FMN2: variants seen among roughly 807,000 people sequenced by gnomAD.
FMN2 encodes the protein formin 2.
In FMN2, 51 loss-of-function variants were observed where a neutral mutation model predicts 142.3. That is an observed-to-expected ratio of 0.36 (90% confidence interval 0.29 to 0.45). The LOEUF (loss-of-function observed/expected upper bound fraction) is 0.45, where lower values mean the gene tolerates loss of function less well. Ranked by LOEUF, FMN2 falls within the 20% of genes least tolerant of loss-of-function variation. The pLI is 1.00. For synonymous variants in FMN2, 882 were observed against 869.8 expected, an observed-to-expected ratio of 1.01 and a Z score of -0.25; for missense variants, 1,936 against 2,122.8, an observed-to-expected ratio of 0.91 and a Z score of 1.73.
chr1:240,125,345 T>A (rs1011829491), intron 2 of FMN2, among the ~76,000 whole-genome samples: 6 of 152,250 alleles, frequency 3.9e-5, no homozygotes, highest in Non-Finnish European at 2.9e-5. Flanking sequence ...TGCAATTTTT[T>A]AAAATGACAT....
At chr1:240,142,920 A>C in intron 2 of FMN2, 1 of 1,606,206 alleles carries the variant, frequency 6.2e-7, no homozygotes, top group Non-Finnish European at 8.5e-7. Context: ...TCGGGGCCGC[A>C]TGGCAGCCAC....
intron 8 of FMN2, among the ~76,000 whole-genome samples, chr1:240,299,160 C>T (rs1392218195): frequency 6.6e-6 from 1 of 152,082 alleles, no homozygotes; most frequent in Non-Finnish European, 1.5e-5. Context: ...GTTGGCTAGG[C>T]TGGTCTCGAA....
In FMN2 at chr1:240,092,719, C is replaced by T; in HGVS notation, c.610C>T (p.Arg204Cys). The T allele has an allele frequency of 6.2e-7, 1 of 1,613,496 alleles. No individual in the cohort carries two copies. Reference protein sequence around the residue: ...DLLSDIQQAIRLQQQQQQQLQ... With the variant: ...DLLSDIQQAICLQQQQQQQLQ... Reference sequence around the variant, plus strand: ...GCTTTCAGACATCCAGCAGGCGATCCGCCTGCAGCAGCAGCAGCAGCAGCA... The same window carrying T: ...GCTTTCAGACATCCAGCAGGCGATCTGCCTGCAGCAGCAGCAGCAGCAGCA... Residue 204 changes from arginine (R) to cysteine (C), a missense_variant, in exon 1 of 18, where the codon CGC becomes TGC. Arg to Cys is a radical substitution (Grantham distance 180). Around this residue, in one of 8 missense-constraint regions of FMN2, gnomAD observed 751 missense variants for 791.8 expected, o/e 0.95. Transcript: ENST00000319653.
chr1:240,100,374 T>A (rs1661372082), intron 1 of FMN2, among the ~76,000 whole-genome samples: 1 of 152,190 alleles, frequency 6.6e-6, no homozygotes, highest in African/African-American at 2.4e-5. Flanking sequence ...AAAGTTAGCA[T>A]TAAGGAACCA....
At chr1:240,283,847 T>C (rs1381186323) in intron 7 of FMN2, among the ~76,000 whole-genome samples, 1 of 152,218 alleles carries the variant, frequency 6.6e-6, no homozygotes, top group African/African-American at 2.4e-5. Context: ...CGTCCACATT[T>C]AGAGCCATAC....
At chr1:240,378,536 A>T (rs1000291389) in intron 14 of FMN2, among the ~76,000 whole-genome samples, 3 of 152,178 alleles carry the variant, frequency 2.0e-5, no homozygotes, top group African/African-American at 7.2e-5. Context: ...TTTGAACCTT[A>T]TCCCCTCAGT....
intron 2 of FMN2, among the ~76,000 whole-genome samples, chr1:240,160,514 A>G (rs146503053): frequency 1.1e-3 from 159 of 150,054 alleles, no homozygotes; most frequent in African/African-American, 3.7e-3. Flanking sequence ...GTGTATATAT[A>G]TAATGATTCT....
intron 2 of FMN2, among the ~76,000 whole-genome samples, chr1:240,124,899 C>G (rs575321646): frequency 1.2e-4 from 18 of 152,206 alleles, no homozygotes; most frequent in Admixed American, 6.5e-4. Flanking sequence ...AACTCCTGAC[C>G]TCGTGATCCA....
At chr1:240,178,777 G>A (rs1665032712) in intron 3 of FMN2, among the ~76,000 whole-genome samples, 1 of 152,238 alleles carries the variant, frequency 6.6e-6, no homozygotes, top group East Asian at 1.9e-4. Context: ...TCCTCCTGGT[G>A]GACTGACCAG....
intron 16 of FMN2, among the ~76,000 whole-genome samples, chr1:240,444,503 G>A (rs1252270259): frequency 2.0e-5 from 3 of 151,880 alleles, no homozygotes; most frequent in African/African-American, 7.3e-5. Context: ...CATGACATTA[G>A]TAAGGGTTAT....
chr1:240,356,657 A>G (rs529302721), intron 14 of FMN2, among the ~76,000 whole-genome samples: 50 of 152,334 alleles, frequency 3.3e-4, no homozygotes, highest in African/African-American at 1.2e-3. Flanking sequence ...GATCAGATTT[A>G]TATCATGCCA....
At chr1:240,386,534 C>T (rs1673411780) in intron 14 of FMN2, among the ~76,000 whole-genome samples, 1 of 152,168 alleles carries the variant, frequency 6.6e-6, no homozygotes, top group African/African-American at 2.4e-5. Flanking sequence ...CGTGTCTTTG[C>T]TTACTCATAG....
intron 3 of FMN2, among the ~76,000 whole-genome samples, chr1:240,184,410 A>T (rs1665298811): frequency 6.8e-6 from 1 of 148,092 alleles, no homozygotes. Flanking sequence ...TCATTTTTGT[A>T]TTTTTAGTAG....
intron 7 of FMN2, among the ~76,000 whole-genome samples, chr1:240,267,627 G>C (rs1325908853): frequency 8.8e-6 from 1 of 113,442 alleles, no homozygotes; most frequent in Non-Finnish European, 1.8e-5. Flanking sequence ...TTGTACCCCT[G>C]AACTTAAAAA....
chr1:240,348,290 C>G (rs879637369), intron 13 of FMN2, among the ~76,000 whole-genome samples: 1 of 150,688 alleles, frequency 6.6e-6, no homozygotes, highest in East Asian at 2.0e-4. Context: ...GGCATGGTCT[C>G]GGCTCACTGC....
At chr1:240,191,395 G>T (rs1292647250) in intron 4 of FMN2, among the ~76,000 whole-genome samples, 2 of 152,212 alleles carry the variant, frequency 1.3e-5, no homozygotes, top group Non-Finnish European at 2.9e-5. Flanking sequence ...CAAGTGAAAA[G>T]AACGGACTGT....
rs577903052 is a variant in FMN2 at position 240,374,746 on chromosome 1, T to G, written c.4859-17765T>G. 1.1e-3 allele frequency among the ~76,000 whole-genome samples: 175 copies of G among 152,312 alleles called. 1 individual carries two copies. Among genetic ancestry groups the G allele is most frequent in the South Asian group, 6.8e-3 (33 of 4,830 alleles). On this transcript the variant is annotated intron_variant, in intron 14 of 17. Transcript: ENST00000319653. ...ATCAGCAATAATGTTGTTTTTGCTTTCTTGTCCTTCATTTCTTCACTGAAG... is the reference window on the plus strand; with the variant it reads ...ATCAGCAATAATGTTGTTTTTGCTTGCTTGTCCTTCATTTCTTCACTGAAG...
chr1:240,225,664 G>T (rs908168088), intron 6 of FMN2, among the ~76,000 whole-genome samples: 1 of 152,158 alleles, frequency 6.6e-6, no homozygotes, highest in African/African-American at 2.4e-5. Context: ...GTCATGTAAA[G>T]AACAGGAAAG....
rs188892501 is a variant in FMN2 at position 240,203,531 on chromosome 1, C to T, written c.1987-3268C>T. Among the ~76,000 whole-genome samples the T allele has an allele frequency of 3.4e-3, 522 of 152,256 alleles. 3 individuals carry two copies. The highest frequency in any genetic ancestry group is 0.012 in the African/African-American group (496 of 41,544). ...CAGCGACATGGATGGAGCTGGAAGCCGTTATCCTCAGCAAACTAACACAGG... is the reference window on the plus strand; with the variant it reads ...CAGCGACATGGATGGAGCTGGAAGCTGTTATCCTCAGCAAACTAACACAGG... On this transcript the variant is annotated intron_variant, in intron 4 of 17. Transcript: ENST00000319653.
Sources: allele counts gnomAD v4.1 joint callset (sites outside exome capture counted in the v4.1 genomes callset), GRCh38; gene constraint gnomAD v4.1.1; regional missense constraint gnomAD v4.1.1; transcripts MANE v1.5; gene names NCBI Gene and HGNC (gene_info 2026-07-23, HGNC 2026-07-21).